The following CLSTN2 variants were observed in gnomAD, a reference collection of about 807,000 sequenced individuals.
The protein encoded by CLSTN2 is calsyntenin-2.
A neutral mutation model predicts 101.2 loss-of-function variants in CLSTN2; 48 were observed. The observed-to-expected ratio is 0.47, with a 90% CI of 0.38 to 0.60. The LOEUF (loss-of-function observed/expected upper bound fraction) is 0.60. CLSTN2 is among the 20% of genes least tolerant of loss of function. CLSTN2 has a pLI of 0.00. For missense variants in CLSTN2, 1,160 were observed against 1,238.2 expected (o/e 0.94, Z 0.95); for synonymous variants, 481 against 463.6 (o/e 1.04, Z -0.48).
At position 140,569,612 on chromosome 3, in the gene CLSTN2, C is replaced by T. The variant is rs1406812473; in HGVS notation, c.*3359C>T. ...CAAATGCTGTAAGCACAGCCAAGGCCCAAATTCATCTAGATACCAAAAATG... is the reference window on the plus strand; with the variant it reads ...CAAATGCTGTAAGCACAGCCAAGGCTCAAATTCATCTAGATACCAAAAATG... On this transcript the variant is annotated 3_prime_UTR_variant, in exon 17 of 17. Transcript: ENST00000458420. 2 of 152,122 alleles carry T rather than the reference C, an allele frequency of 1.3e-5. No individual in the cohort carries two copies. The highest frequency in any genetic ancestry group is 4.8e-5 in the African/African-American group (2 of 41,412). 9.4% of individuals were successfully genotyped at this position (152,122 alleles called of 1,614,324 possible).
At chr3:140,394,961 C>T (rs2088163671) in intron 2 of CLSTN2, among the ~76,000 whole-genome samples, 1 of 152,218 alleles carries the variant, frequency 6.6e-6, no homozygotes, top group Non-Finnish European at 1.5e-5. Context: ...TCAAGTTCCA[C>T]TTGACCAAAT....
chr3:140,556,557 C>T lies in CLSTN2; in HGVS notation c.1719C>T (p.Asp573=), dbSNP rs11707777. The change falls in exon 11 of 17, where the codon GAC becomes GAT. Residue 573 remains aspartate (D), a synonymous_variant. Coordinates refer to ENST00000458420, the MANE Select transcript of CLSTN2 (RefSeq NM_022131.3). ...AGTCCATCCTGGTGATGGAAGGTGA[C>T]GACATTGGGAACATTAACCGTGCTC... ...PSQSILVMEG[D]DIGNINRALQ... 2.8e-3 allele frequency: 4,582 copies of T among 1,614,022 alleles called. 12 individuals carry two copies. The highest frequency in any genetic ancestry group is 2.9e-3 in the Non-Finnish European group (3,418 of 1,179,946).
Position 140,466,638 on chromosome 3 carries a change from T to A in CLSTN2, c.1251T>A (p.Tyr417Ter). The change falls in exon 8 of 17, where the codon TAT (tyrosine) becomes TAA (stop). Residue 417 changes from tyrosine (Y) to a stop codon, truncating the protein, a stop_gained. Coordinates refer to ENST00000458420, the MANE Select transcript of CLSTN2 (RefSeq NM_022131.3). LOFTEE classifies it high-confidence loss of function. Reference protein sequence around the residue: ...TEMNRHHYALYVHNCRLVFLL... With the variant: ...TEMNRHHYAL ...TGAACCGGCATCACTATGCCCTGTA[T>A]GTGCACAACTGCCGCCTCGTCTTTC... 6.2e-7 allele frequency: 1 copy of A among 1,614,210 alleles called. No homozygotes were observed. Among genetic ancestry groups the A allele is most frequent in the Non-Finnish European group, 8.5e-7 (1 of 1,180,024 alleles).
chr3:140,087,573 T>C (rs554814668), intron 1 of CLSTN2, among the ~76,000 whole-genome samples: 9 of 152,284 alleles, frequency 5.9e-5, no homozygotes, highest in African/African-American at 1.7e-4. Context: ...TTGAGCTAGA[T>C]TGTTGTGCTG....
At chr3:140,299,622 T>C (rs903943771) in intron 2 of CLSTN2, among the ~76,000 whole-genome samples, 1 of 152,358 alleles carries the variant, frequency 6.6e-6, no homozygotes, top group Non-Finnish European at 1.5e-5. Flanking sequence ...ACTGTGTTTT[T>C]GTGTCGGTCA....
At chr3:140,298,991 A>C (rs538690016) in intron 2 of CLSTN2, among the ~76,000 whole-genome samples, 28 of 152,234 alleles carry the variant, frequency 1.8e-4, no homozygotes, top group Non-Finnish European at 2.9e-4. Context: ...TGTGGGGAGC[A>C]TGGTCCCTGA....
At chr3:140,415,507 A>AAAAAAAAAAAAAAAAAAAAAC (rs2088421862) in intron 4 of CLSTN2, among the ~76,000 whole-genome samples, 1 of 147,944 alleles carries the variant, frequency 6.8e-6, no homozygotes, top group Non-Finnish European at 1.5e-5. Context: ...AAAAAAAAAA[A>AAAAAAAAAAAAAAAAAAAAAC]AAACAAACTG....
At chr3:140,379,728 G>C (rs1192395670) in intron 2 of CLSTN2, among the ~76,000 whole-genome samples, 2 of 152,234 alleles carry the variant, frequency 1.3e-5, no homozygotes, top group East Asian at 3.9e-4. Flanking sequence ...ATATCCGTAG[G>C]ATGGAATATT....
At chr3:140,427,675 G>A (rs924178403) in intron 5 of CLSTN2, among the ~76,000 whole-genome samples, 4 of 152,060 alleles carry the variant, frequency 2.6e-5, no homozygotes, top group African/African-American at 7.2e-5. Flanking sequence ...TCCTCTAAAC[G>A]GGCTGCTAGA....
In CLSTN2 at chr3:140,569,002, A is replaced by G. The variant is rs1985433655; in HGVS notation, c.*2749A>G. On this transcript the variant is annotated 3_prime_UTR_variant, in exon 17 of 17. Coordinates refer to ENST00000458420, the MANE Select transcript of CLSTN2 (RefSeq NM_022131.3). ...TATAAGAGGTCATTCTCTGCATGTC[A>G]GCTACAAAGATCAGGCACTTGAATG... The G allele has an allele frequency of 6.6e-6, 1 of 152,228 alleles. No individual in the cohort carries two copies. The highest frequency in any genetic ancestry group is 1.5e-5 in the Non-Finnish European group (1 of 68,050). The allele number at this position is 152,228 out of a possible 1,614,324, so 9.4% of individuals were successfully genotyped here.
At chr3:140,018,890 A>T (rs2007251914) in intron 1 of CLSTN2, among the ~76,000 whole-genome samples, 1 of 152,230 alleles carries the variant, frequency 6.6e-6, no homozygotes, top group South Asian at 2.1e-4. Context: ...AATGTTACTC[A>T]TATTTTAAAT....
At chr3:140,022,675 G>A (rs1050679700) in intron 1 of CLSTN2, among the ~76,000 whole-genome samples, 2 of 152,230 alleles carry the variant, frequency 1.3e-5, no homozygotes, top group African/African-American at 4.8e-5. Context: ...GTGCTGCTGT[G>A]TGGAGAATGG....
intron 5 of CLSTN2, among the ~76,000 whole-genome samples, chr3:140,444,877 A>T (rs1933038961): frequency 6.6e-6 from 1 of 152,210 alleles, no homozygotes; most frequent in South Asian, 2.1e-4. Flanking sequence ...CCTACCCTCC[A>T]AGAGATGAGG....
chr3:140,227,554 C>T (rs2086334138), intron 2 of CLSTN2, among the ~76,000 whole-genome samples: 1 of 152,148 alleles, frequency 6.6e-6, no homozygotes, highest in South Asian at 2.1e-4. Context: ...AGGATAGTGG[C>T]CGTCTTCTCA....
intron 2 of CLSTN2, among the ~76,000 whole-genome samples, chr3:140,182,904 G>A (rs867148534): frequency 5.3e-5 from 8 of 152,292 alleles, no homozygotes; most frequent in South Asian, 4.1e-4. Flanking sequence ...CAGGCTCTGA[G>A]GGCACAAAGC....
intron 1 of CLSTN2, among the ~76,000 whole-genome samples, chr3:140,153,157 A>C (rs1342903488): frequency 6.6e-6 from 1 of 152,220 alleles, no homozygotes; most frequent in African/African-American, 2.4e-5. Flanking sequence ...GTCCTGGTAC[A>C]TGTCCCCTGC....
chr3:140,123,022 G>A (rs1345166714), intron 1 of CLSTN2, among the ~76,000 whole-genome samples: 2 of 152,158 alleles, frequency 1.3e-5, no homozygotes, highest in Admixed American at 6.5e-5. Context: ...TTCTAAGACT[G>A]TGTAACTTGG....
chr3:140,139,001 G>A (rs184258069), intron 1 of CLSTN2, among the ~76,000 whole-genome samples: 2 of 152,324 alleles, frequency 1.3e-5, no homozygotes, highest in East Asian at 3.9e-4. Flanking sequence ...GTGATATTGA[G>A]CAAATTAATT....
At chr3:140,499,643 AG>A (rs1248186903) in intron 8 of CLSTN2, among the ~76,000 whole-genome samples, 7 of 152,160 alleles carry the variant, frequency 4.6e-5, no homozygotes, top group Non-Finnish European at 7.4e-5. Context: ...TGGTGTAGGC[AG>A]GGGGTGGTAA....
Sources: gnomAD v4.1 joint callset for allele counts (sites outside exome capture counted in the v4.1 genomes callset) on GRCh38, gnomAD v4.1.1 for gene constraint, MANE v1.5 for transcripts, NCBI Gene and HGNC (gene_info 2026-07-23, HGNC 2026-07-21) for gene names.